The following PDGFD variants were observed in gnomAD, a reference collection of about 807,000 sequenced individuals.
PDGFD encodes platelet derived growth factor D.
In PDGFD, 30 loss-of-function variants were observed where a neutral mutation model predicts 44.7. That is an observed-to-expected ratio of 0.67 (90% CI 0.50 to 0.91). The LOEUF is 0.91. Ranked by LOEUF, PDGFD falls within the 40% of genes least tolerant of loss-of-function variation. The probability of loss-of-function intolerance (pLI) is 0.00; values close to 1 mark genes in which losing one functional copy is unlikely to be tolerated. For synonymous variants in PDGFD, 173 were observed against 168.4 expected, an observed-to-expected ratio of 1.03 and a Z score of -0.21; for missense variants, 445 against 457.8, an observed-to-expected ratio of 0.97 and a Z score of 0.25.
At chr11:104,154,106 TTA>T (rs1473919984) in intron 1 of PDGFD, among the ~76,000 whole-genome samples, 12 of 151,970 alleles carry the variant, frequency 7.9e-5, no homozygotes, top group Non-Finnish European at 1.6e-4. Flanking sequence ...CTCAAAAATG[TTA>T]TGTTAATAGT....
rs76422991 is a variant in PDGFD at position 104,103,617 on chromosome 11, C to G, written c.124+60187G>C. ...CATTTGGTCAAGGATGGATGTCATA[C>G]AGGATTGTGGCCCCATCAAATTATA... is the stretch of plus-strand genomic sequence containing the variant. On this transcript the variant is annotated intron_variant, in intron 1 of 6. Transcript: ENST00000393158. Among the ~76,000 whole-genome samples, 762 of 151,648 alleles carry G rather than the reference C, an allele frequency of 5.0e-3. 12 individuals carry two copies. The highest frequency in any genetic ancestry group is 0.017 in the African/African-American group (699 of 41,410).
intron 1 of PDGFD, chr11:104,037,920 G>A (rs750400615): frequency 1.2e-6 from 2 of 1,614,158 alleles, no homozygotes; most frequent in Non-Finnish European, 1.7e-6. Flanking sequence ...AGGGAGAGTT[G>A]CCCTTATGCT....
chr11:104,069,825 A>C (rs1860847657), intron 1 of PDGFD, among the ~76,000 whole-genome samples: 1 of 152,010 alleles, frequency 6.6e-6, no homozygotes, highest in Non-Finnish European at 1.5e-5. Flanking sequence ...GTGCCACTGC[A>C]CTCCAGCCTG....
Position 104,072,649 on chromosome 11 carries a change from G to A in PDGFD, c.125-72394C>T, listed in dbSNP as rs1177124323. On this transcript the variant is annotated intron_variant, in intron 1 of 6. Transcript: ENST00000393158. Reference sequence around the variant, plus strand: ...AATAGGCAGTCTTGACTTGTTTCTGGTATTAATGAAAATATTTCTAGTATT... The same window carrying A: ...AATAGGCAGTCTTGACTTGTTTCTGATATTAATGAAAATATTTCTAGTATT... Among the ~76,000 whole-genome samples, 4 of 151,740 alleles carry A rather than the reference G, an allele frequency of 2.6e-5. No individual in the cohort carries two copies. The East Asian group carries it at 7.7e-4, about 29-fold the overall frequency.
At chr11:103,997,799 C>T (rs573644185) in intron 2 of PDGFD, among the ~76,000 whole-genome samples, 1 of 152,254 alleles carries the variant, frequency 6.6e-6, no homozygotes, top group Non-Finnish European at 1.5e-5. Context: ...AAGAACACAT[C>T]ATTGTAACTT....
At chr11:104,153,960 G>T (rs77760008) in intron 1 of PDGFD, among the ~76,000 whole-genome samples, 2,083 of 152,106 alleles carry the variant, frequency 0.014, 43 homozygotes, top group African/African-American at 0.046. Context: ...CAGACAGGAA[G>T]ACCCAGCCAA....
chr11:103,971,533 G>A (rs1859101055), intron 3 of PDGFD, among the ~76,000 whole-genome samples: 1 of 143,290 alleles, frequency 7.0e-6, no homozygotes, highest in Non-Finnish European at 1.6e-5. Flanking sequence ...TGGATTAACA[G>A]CAATGTGTAT....
intron 3 of PDGFD, among the ~76,000 whole-genome samples, chr11:103,953,897 A>G (rs1203069887): frequency 6.6e-6 from 1 of 152,222 alleles, no homozygotes; most frequent in Non-Finnish European, 1.5e-5. Context: ...GGCTAACACA[A>G]CACAAACTTT....
chr11:104,018,111 C>T (rs1217190134), intron 1 of PDGFD, among the ~76,000 whole-genome samples: 1 of 152,020 alleles, frequency 6.6e-6, no homozygotes, highest in African/African-American at 2.4e-5. Flanking sequence ...GTAAAACTCA[C>T]CCTTTACATT....
intron 4 of PDGFD, chr11:103,946,033 T>A (rs1858663471): frequency 6.6e-6 from 1 of 152,220 alleles, no homozygotes; most frequent in Non-Finnish European, 1.5e-5. Flanking sequence ...GAAAAAGAAC[T>A]AATTTAATGT....
intron 1 of PDGFD, among the ~76,000 whole-genome samples, chr11:104,064,493 G>T (rs576630442): frequency 6.6e-6 from 1 of 152,234 alleles, no homozygotes; most frequent in African/African-American, 2.4e-5. Flanking sequence ...TGTTCAAAAG[G>T]TGAACTCAGT....
rs1483453294 is a variant in PDGFD, at chr11:103,964,747, A to G, written c.511-17023T>C. Among the ~76,000 whole-genome samples, 3 of 152,084 alleles carry G rather than the reference A, an allele frequency of 2.0e-5. No individual in the cohort carries two copies. The East Asian group carries it at 5.8e-4, about 29-fold the overall frequency. ...CACAGGGAGCAGGTGAGGTCCACAC[A>G]GAAGACAGAATAAACAGTAGTACTA... On this transcript the variant is annotated intron_variant, in intron 3 of 6. Coordinates refer to ENST00000393158, the MANE Select transcript of PDGFD (RefSeq NM_025208.5).
intron 1 of PDGFD, among the ~76,000 whole-genome samples, chr11:104,060,457 G>A (rs1379420373): frequency 6.6e-6 from 1 of 152,170 alleles, no homozygotes; most frequent in Non-Finnish European, 1.5e-5. Context: ...AGCATAGAGG[G>A]TATCACTGTT....
intron 6 of PDGFD, 88 bp from the exon 7 acceptor site, chr11:103,909,907 G>C (rs1223570156): frequency 3.3e-6 from 5 of 1,523,146 alleles, no homozygotes; most frequent in Non-Finnish European, 4.5e-6. Flanking sequence ...TTGACAACTA[G>C]TTCTTAGCCC....
At chr11:103,979,216 T>G (rs260830) in intron 3 of PDGFD, among the ~76,000 whole-genome samples, 2,294 of 152,128 alleles carry the variant, frequency 0.015, 61 homozygotes, top group African/African-American at 0.051. Context: ...TCCTTTAGCT[T>G]TAGGTTCTGT....
At chr11:104,016,542 T>C (rs1288069021) in intron 1 of PDGFD, among the ~76,000 whole-genome samples, 1 of 152,206 alleles carries the variant, frequency 6.6e-6, no homozygotes, top group Non-Finnish European at 1.5e-5. Context: ...CTCCCCGAGC[T>C]GAGGCCCATG....
At chr11:104,013,592 CT>C (rs1859815907) in intron 1 of PDGFD, among the ~76,000 whole-genome samples, 1 of 152,018 alleles carries the variant, frequency 6.6e-6, no homozygotes, top group Non-Finnish European at 1.5e-5. Flanking sequence ...ACTCTTCTGT[CT>C]TAGCCAGACC....
intron 1 of PDGFD, chr11:104,037,755 T>C: frequency 1.9e-6 from 3 of 1,614,136 alleles, no homozygotes; most frequent in African/African-American, 1.3e-5. Context: ...AAATTGAAGG[T>C]GATTTCTTAC....
chr11:104,038,024 A>C (rs762998360), intron 1 of PDGFD: 1 of 1,604,058 alleles, frequency 6.2e-7, no homozygotes, highest in Non-Finnish European at 8.5e-7. Context: ...AGCACGTTAT[A>C]AATATGTTAC....
Sources: allele counts gnomAD v4.1 joint callset (sites outside exome capture counted in the v4.1 genomes callset), GRCh38; gene constraint gnomAD v4.1.1; transcripts MANE v1.5; gene names NCBI Gene and HGNC (gene_info 2026-07-23, HGNC 2026-07-21).